Variants in SGCA observed in about 807,000 individuals in gnomAD.
SGCA encodes the protein sarcoglycan alpha.
SGCA carries 34 observed loss-of-function variants against 38.1 expected under a neutral mutation model. The ratio of observed to expected loss-of-function variants is 0.89; its 90% CI spans 0.68 to 1.19. SGCA has a LOEUF of 1.19. SGCA is among the 50% of genes most tolerant of loss of function. SGCA has a pLI of 0.00. For synonymous variants in SGCA, 209 were observed against 214.6 expected (o/e 0.97, Z 0.23); for missense variants, 476 against 524.9 (o/e 0.91, Z 0.91).
Position 50,167,762 on chromosome 17 carries a change from C to A in SGCA, c.312+26C>A. Reference sequence around the variant, plus strand: ...GTGCCGTCAGGGACCCTGAGAAAATCACAGGGGTGGGCCAGAGTGGCCTCC... The same window carrying A: ...GTGCCGTCAGGGACCCTGAGAAAATAACAGGGGTGGGCCAGAGTGGCCTCC... On this transcript the variant is annotated intron_variant, in intron 3 of 9. Coordinates refer to ENST00000262018, the MANE Select transcript of SGCA (RefSeq NM_000023.4). This position sits in a 1 kb window ranked among gnomAD's most constrained non-coding sequence, Gnocchi z 4.5. The A allele has an allele frequency of 1.2e-6, 2 of 1,601,434 alleles. No homozygotes were observed. Among genetic ancestry groups the A allele is most frequent in the Non-Finnish European group, 1.7e-6 (2 of 1,172,098 alleles).
intron 8 of SGCA, chr17:50,171,523 T>G (rs1446099059): frequency 6.6e-6 from 3 of 456,700 alleles, no homozygotes; most frequent in African/African-American, 4.0e-5. Context: ...TTAATTGCAG[T>G]GGCACTTGGC....
chr17:50,170,297 C>A lies in SGCA; in HGVS notation c.902C>A (p.Ala301Asp). Residue 301 changes from alanine (A) to aspartate (D), a missense_variant, in exon 7 of 10, where the codon GCC (alanine) becomes GAC (aspartate). By Grantham distance (126) the Ala-to-Asp change is moderately radical (BLOSUM62 -2). Transcript: ENST00000262018. ...ACCCTCCTGGTGCCCCTGCTGGTGGCCCTGCTTCTCACCTTGCTGCTGGCC... is the reference window on the plus strand; with the variant it reads ...ACCCTCCTGGTGCCCCTGCTGGTGGACCTGCTTCTCACCTTGCTGCTGGCC... ...LVTLLVPLLV[A>D]LLLTLLLAYV... 6.2e-7 allele frequency: 1 copy of A among 1,614,204 alleles called. No homozygotes were observed. The highest frequency in any genetic ancestry group is 1.1e-5 in the South Asian group (1 of 91,082).
In SGCA at chr17:50,167,834, T is replaced by A. The variant is rs756534686; in HGVS notation, c.312+98T>A. On this transcript the variant is annotated intron_variant, in intron 3 of 9. Transcript: ENST00000262018. The surrounding 1 kb of genome is among the most constrained non-coding windows in gnomAD (Gnocchi z 4.5). ...GGATTGGGTGCTCATTCACAGTCAT[T>A]TACATATAATTTACATACCTCTAAT... The A allele has an allele frequency of 1.1e-4, 165 of 1,542,920 alleles. No homozygotes were observed. The highest frequency in any genetic ancestry group is 1.5e-4 in the Non-Finnish European group (164 of 1,115,864).
chr17:50,172,473 G>A (rs575790312), intron 8 of SGCA: 97 of 326,352 alleles, frequency 3.0e-4, no homozygotes, highest in South Asian at 2.1e-3. Flanking sequence ...ATGCCTGGGC[G>A]GATTTTATTT....
rs1905249571 is a variant in SGCA at position 50,170,138 on chromosome 17, T to G, written c.748-5T>G. On this transcript the variant is annotated splice_polypyrimidine_tract_variant and splice_region_variant and intron_variant, in intron 6 of 9. Coordinates refer to ENST00000262018, the MANE Select transcript of SGCA (RefSeq NM_000023.4). ...TCCTGCGTCAGCCCTGAGCTCTCTG[T>G]GCAGGTGGATAAGTCAGTGCCGGAG... The G allele has an allele frequency of 6.2e-7, 1 of 1,613,606 alleles. No individual in the cohort carries two copies. Among genetic ancestry groups the G allele is most frequent in the Non-Finnish European group, 8.5e-7 (1 of 1,179,682 alleles).
At position 50,170,278 on chromosome 17, in the gene SGCA, C is replaced by G; in HGVS notation, c.883C>G (p.Leu295Val). The change falls in exon 7 of 10, where the codon CTG (leucine) becomes GTG (valine). Residue 295 changes from leucine to valine, a missense_variant. Leu to Val is a conservative substitution (Grantham distance 32). Transcript: ENST00000262018. ...CTTGGTGGATGCTCTGGTCACCCTCCTGGTGCCCCTGCTGGTGGCCCTGCT... is the reference window on the plus strand; with the variant it reads ...CTTGGTGGATGCTCTGGTCACCCTCGTGGTGCCCCTGCTGGTGGCCCTGCT... Reference protein sequence around the residue: ...DFLVDALVTLLVPLLVALLLT... With the variant: ...DFLVDALVTLVVPLLVALLLT... 6.2e-7 allele frequency: 1 copy of G among 1,614,228 alleles called. No homozygotes were observed. The highest frequency in any genetic ancestry group is 1.1e-5 in the South Asian group (1 of 91,080).
At chr17:50,169,071 G>A in intron 5 of SGCA, 21 bp from the exon 6 acceptor site, 3 of 1,613,084 alleles carry the variant, frequency 1.9e-6, no homozygotes, top group Non-Finnish European at 2.5e-6. Flanking sequence ...TCTGCTGACA[G>A]TGACTTCTAT....
chr17:50,166,834 ACACACCGTCACACACACC>A (rs1904886819), intron 1 of SGCA, among the ~76,000 whole-genome samples: 1 of 62,568 alleles, frequency 1.6e-5, no homozygotes, highest in Non-Finnish European at 3.0e-5. Context: ...CACACACCCC[ACACACCGTCACACACACC>A]CCCCACACAC....
intron 8 of SGCA, chr17:50,172,336 G>T: frequency 2.2e-6 from 1 of 450,212 alleles, no homozygotes; most frequent in Non-Finnish European, 4.5e-6. Context: ...CCTCCGGGGA[G>T]GGGTGGACCG....
intron 4 of SGCA, 137 bp from the exon 5 acceptor site, chr17:50,168,237 C>A: frequency 2.3e-6 from 2 of 852,440 alleles, no homozygotes; most frequent in Non-Finnish European, 3.8e-6. Flanking sequence ...TGGGACTTGG[C>A]TTGTTGGGGT....
At chr17:50,171,887 G>A (rs1905447093) in intron 8 of SGCA, 1 of 456,670 alleles carries the variant, frequency 2.2e-6, no homozygotes, top group Admixed American at 2.3e-5. Context: ...GGACGTGCTG[G>A]GCTTCTGGCA....
chr17:50,169,759 A>C, intron 6 of SGCA: 1 of 385,738 alleles, frequency 2.6e-6, no homozygotes, highest in Non-Finnish European at 4.9e-6. Flanking sequence ...GTTCCTGTGA[A>C]TTGACCAACA....
At position 50,175,698 on chromosome 17, in the gene SGCA, C is replaced by T; in HGVS notation, c.*13-14C>T. The T allele has an allele frequency of 1.5e-6, 1 of 654,418 alleles. No individual in the cohort carries two copies. The highest frequency in any genetic ancestry group is 2.8e-6 in the Non-Finnish European group (1 of 354,250). 40.5% of individuals were successfully genotyped at this position (654,418 alleles called of 1,614,324 possible). On this transcript the variant is annotated splice_polypyrimidine_tract_variant and intron_variant, in intron 9 of 9. Coordinates refer to ENST00000262018, the MANE Select transcript of SGCA (RefSeq NM_000023.4). ...CATCTGGCCCTCTCAGCCCTCCACTCTCTCTTCCCACAGTGGTTCCAGGTC... is the reference window on the plus strand; with the variant it reads ...CATCTGGCCCTCTCAGCCCTCCACTTTCTCTTCCCACAGTGGTTCCAGGTC...
In SGCA at chr17:50,170,906, AT is replaced by A. The variant is rs113182656; in HGVS notation, c.983+246del. On this transcript the variant is annotated intron_variant, in intron 8 of 9. Transcript: ENST00000262018. ...GAGACCCCATCTCAACAAAAAAAAA[AT>A]TTTTTAACTAGCCAGGCGTGGTGGA... Among the ~76,000 whole-genome samples the A allele has an allele frequency of 0.017, 2,642 of 152,196 alleles. 90 individuals carry two copies. The highest frequency in any genetic ancestry group is 0.059 in the African/African-American group (2,436 of 41,510).
Position 50,168,391 on chromosome 17 carries a change from C to G in SGCA, c.403C>G (p.Gln135Glu). 1 of 1,582,948 alleles carries G rather than the reference C, an allele frequency of 6.3e-7. No homozygotes were observed. Among genetic ancestry groups the G allele is most frequent in the Non-Finnish European group, 8.6e-7 (1 of 1,164,726 alleles). Residue 135 changes from glutamine to glutamate, a missense_variant, in exon 5 of 10, where the codon CAA becomes GAA. By Grantham distance (29) the Gln-to-Glu change is conservative. Transcript: ENST00000262018. The part of the protein sequence containing the change: ...GDPEGPLLPY[Q>E]AEFLVRSHDA... ...CTTCCCAGGCCCCCTGCTGCCATAC[C>G]AAGCCGAGTTCCTGGTGCGCAGCCA...
At chr17:50,174,002 C>T (rs1905709620) in intron 8 of SGCA, among the ~76,000 whole-genome samples, 1 of 150,916 alleles carries the variant, frequency 6.6e-6, no homozygotes, top group Non-Finnish European at 1.5e-5. Context: ...TCAGCCCTGC[C>T]TGGGGCCCCA....
intron 8 of SGCA, among the ~76,000 whole-genome samples, chr17:50,173,025 T>C (rs1432999242): frequency 6.6e-6 from 1 of 152,262 alleles, no homozygotes; most frequent in Non-Finnish European, 1.5e-5. Flanking sequence ...GATATTCTCT[T>C]GTGACCAGTA....
At position 50,167,670 on chromosome 17, in the gene SGCA, C is replaced by T. The variant is rs1598265282; in HGVS notation, c.246C>T (p.Ser82=). Residue 82 remains serine (S), a synonymous_variant, in exon 3 of 10, where the codon AGC becomes AGT. Transcript: ENST00000262018. The surrounding 1 kb of genome is among the most constrained non-coding windows in gnomAD (Gnocchi z 4.5). The part of the protein sequence containing the change: ...LPRWLRYTQR[S]PHHPGFLYGS... ...GGTGGCTCCGCTACACCCAGCGCAGCCCCCACCACCCTGGCTTCCTCTACG... is the reference window on the plus strand; with the variant it reads ...GGTGGCTCCGCTACACCCAGCGCAGTCCCCACCACCCTGGCTTCCTCTACG... 2 of 1,613,916 alleles carry T rather than the reference C, an allele frequency of 1.2e-6. No homozygotes were observed. The highest frequency in any genetic ancestry group is 8.5e-7 in the Non-Finnish European group (1 of 1,179,928).
At chr17:50,174,966 TTTTTA>T (rs987425573) in intron 8 of SGCA, among the ~76,000 whole-genome samples, 7 of 152,088 alleles carry the variant, frequency 4.6e-5, no homozygotes, top group Admixed American at 1.3e-4. Context: ...CTAATTTTTA[TTTTTA>T]TTTTTTGTAG....
Sources: allele counts gnomAD v4.1 joint callset (sites outside exome capture counted in the v4.1 genomes callset), GRCh38; gene constraint gnomAD v4.1.1; non-coding constraint Gnocchi (gnomAD v3.1); transcripts MANE v1.5; gene names NCBI Gene and HGNC (gene_info 2026-07-23, HGNC 2026-07-21).